Variants in TSHZ2 observed in about 807,000 individuals in gnomAD.
TSHZ2 encodes the protein teashirt homolog 2.
Under a neutral mutation model 74.4 loss-of-function variants are expected in TSHZ2, and 21 were observed. The ratio of observed to expected loss-of-function variants is 0.28; its 90% CI spans 0.20 to 0.41. The LOEUF (loss-of-function observed/expected upper bound fraction) is 0.41, where lower values mean the gene tolerates loss of function less well. Ranked by LOEUF, TSHZ2 falls within the 10% of genes least tolerant of loss-of-function variation. The pLI is 1.00. For missense variants in TSHZ2, 1,244 were observed against 1,293.5 expected (o/e 0.96, Z 0.59); for synonymous variants, 540 against 515.3 (o/e 1.05, Z -0.65).
chr20:53,114,215 G>C (rs182522573), intron 1 of TSHZ2, among the ~76,000 whole-genome samples: 1 of 151,814 alleles, frequency 6.6e-6, no homozygotes, highest in Non-Finnish European at 1.5e-5. Context: ...ATAAATTTGC[G>C]TCTGGGATTA....
chr20:53,045,360 G>A (rs1345186140), intron 1 of TSHZ2, among the ~76,000 whole-genome samples: 2 of 152,218 alleles, frequency 1.3e-5, no homozygotes, highest in Non-Finnish European at 2.9e-5. Flanking sequence ...AAGAGACCCA[G>A]GATATTTGCA....
rs969578679 is a variant in TSHZ2 at position 53,261,282 on chromosome 20, C to CA, written c.*8+4712dup. Among the ~76,000 whole-genome samples, 26 of 152,316 alleles carry CA rather than the reference C, an allele frequency of 1.7e-4. 1 individual carries two copies. Among genetic ancestry groups the CA allele is most frequent in the African/African-American group, 6.3e-4 (26 of 41,560 alleles). On this transcript the variant is annotated intron_variant, in intron 2 of 2. Transcript: ENST00000371497. Reference sequence around the variant, plus strand: ...GCTCCAGCTATCAAACATTGCAACTCAGGGGCCCAGGACTGACCCGCAGGG... The same window carrying CA: ...GCTCCAGCTATCAAACATTGCAACTCAAGGGGCCCAGGACTGACCCGCAGGG...
intron 1 of TSHZ2, among the ~76,000 whole-genome samples, chr20:53,170,612 C>A (rs1314950826): frequency 6.6e-6 from 1 of 152,232 alleles, no homozygotes; most frequent in Non-Finnish European, 1.5e-5. Context: ...TAGCACCTCT[C>A]CCCCAGGTTG....
intron 1 of TSHZ2, among the ~76,000 whole-genome samples, chr20:53,209,505 G>A (rs1478795122): frequency 1.3e-5 from 2 of 152,216 alleles, no homozygotes; most frequent in Admixed American, 6.5e-5. Flanking sequence ...ATCATGAAAG[G>A]CATTTAAACG....
chr20:53,220,165 C>T (rs1989521273), intron 1 of TSHZ2, among the ~76,000 whole-genome samples: 1 of 152,186 alleles, frequency 6.6e-6, no homozygotes, highest in Admixed American at 6.5e-5. Context: ...CAAAATAACG[C>T]ATTTAGCTAA....
At chr20:53,324,234 C>T (rs1029542135) in intron 2 of TSHZ2, among the ~76,000 whole-genome samples, 2 of 152,102 alleles carry the variant, frequency 1.3e-5, no homozygotes, top group South Asian at 2.1e-4. Flanking sequence ...TTTTGTGTCT[C>T]GGAATCATCA....
chr20:53,398,128 A>C (rs1982524403), intron 2 of TSHZ2: 1 of 152,202 alleles, frequency 6.6e-6, no homozygotes, highest in African/African-American at 2.4e-5. Flanking sequence ...TTAAAGTATA[A>C]TAAAAAAATG....
chr20:53,462,903 G>T (rs1985424367), intron 2 of TSHZ2, among the ~76,000 whole-genome samples: 2 of 152,162 alleles, frequency 1.3e-5, no homozygotes, highest in Admixed American at 1.3e-4. Flanking sequence ...CCAACTACTT[G>T]TGGTCCCATG....
At chr20:53,155,115 T>C (rs1349303354) in intron 1 of TSHZ2, among the ~76,000 whole-genome samples, 1 of 150,950 alleles carries the variant, frequency 6.6e-6, no homozygotes. Context: ...TCTCTTTTTC[T>C]GGCAAATATT....
chr20:53,229,907 A>G (rs929120719), intron 1 of TSHZ2, among the ~76,000 whole-genome samples: 12 of 16,182 alleles, frequency 7.4e-4, no homozygotes, highest in African/African-American at 2.1e-3. Context: ...AGGGAGGGGA[A>G]AAAAAGAGAA....
intron 2 of TSHZ2, among the ~76,000 whole-genome samples, chr20:53,425,395 AG>A (rs1298820605): frequency 2.0e-5 from 3 of 152,208 alleles, no homozygotes; most frequent in East Asian, 1.9e-4. Flanking sequence ...AAAGCATGAG[AG>A]GGTCCAAGGT....
intron 1 of TSHZ2, among the ~76,000 whole-genome samples, chr20:53,168,258 A>G (rs1322180662): frequency 6.6e-6 from 1 of 152,174 alleles, no homozygotes. Context: ...CCCTACCCTC[A>G]GATACCACTA....
chr20:53,397,496 G>A (rs1013039050), intron 2 of TSHZ2, among the ~76,000 whole-genome samples: 1 of 152,204 alleles, frequency 6.6e-6, no homozygotes, highest in African/African-American at 2.4e-5. Context: ...GAGAGGATGT[G>A]GAGAAATAGG....
chr20:53,222,797 T>C (rs1321996018), intron 1 of TSHZ2, among the ~76,000 whole-genome samples: 3 of 152,326 alleles, frequency 2.0e-5, no homozygotes, highest in African/African-American at 7.2e-5. Flanking sequence ...TCCAATCAAA[T>C]AAATACATTA....
chr20:53,237,785 AC>A (rs1989974337), intron 1 of TSHZ2, among the ~76,000 whole-genome samples: 1 of 152,142 alleles, frequency 6.6e-6, no homozygotes, highest in Admixed American at 6.6e-5. Context: ...CAGATTTTTG[AC>A]CCAGTAGACT....
chr20:53,253,471 C>T (rs754734586), intron 1 of TSHZ2, 28 bp from the exon 2 acceptor site: 17 of 1,564,258 alleles, frequency 1.1e-5, no homozygotes, highest in Non-Finnish European at 1.4e-5. Flanking sequence ...CTGTTACTGT[C>T]GTTTCATCTC....
At chr20:53,422,561 T>C (rs1281674580) in intron 2 of TSHZ2, among the ~76,000 whole-genome samples, 1 of 152,134 alleles carries the variant, frequency 6.6e-6, no homozygotes, top group East Asian at 1.9e-4. Context: ...ATTTCAAACA[T>C]ACACCCACAT....
intron 2 of TSHZ2, among the ~76,000 whole-genome samples, chr20:53,354,921 G>A (rs1980789301): frequency 6.6e-6 from 1 of 152,194 alleles, no homozygotes; most frequent in African/African-American, 2.4e-5. Context: ...GGTCCCAGGA[G>A]AACAGATGTT....
At chr20:53,450,536 A>T (rs528711418) in intron 2 of TSHZ2, among the ~76,000 whole-genome samples, 196 of 152,252 alleles carry the variant, frequency 1.3e-3, no homozygotes, top group African/African-American at 4.6e-3. Flanking sequence ...TATTTTTTTG[A>T]GGCAGGGCCT....
Sources: gnomAD v4.1 joint callset for allele counts (sites outside exome capture counted in the v4.1 genomes callset) on GRCh38, gnomAD v4.1.1 for gene constraint, MANE v1.5 for transcripts, NCBI Gene and HGNC (gene_info 2026-07-23, HGNC 2026-07-21) for gene names.